The following FSTL3 variants were observed in gnomAD, a reference collection of about 807,000 sequenced individuals.
The protein encoded by FSTL3 is follistatin-related protein 3.
In FSTL3, 21 loss-of-function variants were observed where a neutral mutation model predicts 28.1. The ratio of observed to expected loss-of-function variants is 0.75; its 90% CI spans 0.53 to 1.08. The LOEUF is 1.08. Among genes scored for constraint, FSTL3 ranks in the 50% least tolerant of loss-of-function variants. FSTL3 has a pLI of 0.00. For missense variants in FSTL3, 400 were observed against 380.9 expected, an observed-to-expected ratio of 1.05 and a Z score of -0.42; for synonymous variants, 199 against 164.2, an observed-to-expected ratio of 1.21 and a Z score of -1.62.
chr19:678,066 A>T, intron 2 of FSTL3, 89 bp downstream of exon 2: 1 of 1,277,312 alleles, frequency 7.8e-7, no homozygotes, highest in South Asian at 1.3e-5. Flanking sequence ...ACGTCCAGGG[A>T]CTGAGCCCGT....
rs1459520844 is a variant in FSTL3, at chr19:678,709, C to G, written c.289+732C>G. On this transcript the variant is annotated intron_variant, in intron 2 of 4. Coordinates refer to ENST00000166139, the MANE Select transcript of FSTL3 (RefSeq NM_005860.3). The stretch of plus-strand genomic sequence containing the variant: ...TGTTTTTGGTAGAGACAGGGTTTCA[C>G]CACATTGGCCAGGCTGGTCTCAAAC... Among the ~76,000 whole-genome samples, 4 of 152,074 alleles carry G rather than the reference C, an allele frequency of 2.6e-5. No individual in the cohort carries two copies. In the East Asian group the frequency reaches 7.7e-4, roughly 29 times the overall value.
chr19:680,617 C>G (rs1236900330), intron 3 of FSTL3, 128 bp downstream of exon 3: 1 of 406,572 alleles, frequency 2.5e-6, no homozygotes, highest in East Asian at 6.0e-5. Context: ...CTGAGCGTGA[C>G]GTATCGGGGC....
At chr19:680,804 T>G in intron 3 of FSTL3, 1 of 276,052 alleles carries the variant, frequency 3.6e-6, no homozygotes, top group Non-Finnish European at 6.8e-6. Flanking sequence ...TCCGAGGGAG[T>G]ATCACGGGGT....
chr19:680,001 A>AC lies in FSTL3; in HGVS notation c.290-264dup, dbSNP rs1555683187. 2.6e-3 allele frequency: 396 copies of AC among 152,694 alleles called. 8 individuals are homozygous for AC. Among genetic ancestry groups the AC allele is most frequent in the African/African-American group, 8.0e-3 (209 of 26,066 alleles). The allele number at this position is 152,694 out of a possible 1,614,324, so 9.5% of individuals were successfully genotyped here. A position where few individuals can be genotyped will look rare whatever the true frequency, so the allele number is the denominator to read the frequency against. On this transcript the variant is annotated intron_variant, in intron 2 of 4. Transcript: ENST00000166139. ...CGCTGGACCCCGATTCCGGGCAGAG[A>AC]CCCCCCCCCGCCCCGGCCCGCGCGC...
At position 682,850 on chromosome 19, in the gene FSTL3, G is replaced by T. The variant is rs2031369926; in HGVS notation, c.*1142G>T. 1 of 232,924 alleles carries T rather than the reference G, an allele frequency of 4.3e-6. No homozygotes were observed. Among genetic ancestry groups the T allele is most frequent in the East Asian group, 6.0e-5 (1 of 16,544 alleles). The allele number at this position is 232,924 out of a possible 1,614,324, so 14.4% of individuals were successfully genotyped here. On this transcript the variant is annotated 3_prime_UTR_variant, in exon 5 of 5. Transcript: ENST00000166139. ...ACCCACTGGCCCCGAGGGGGGTGTA[G>T]ACGCCAAGACTCACGCATGTGTGAC... is the stretch of plus-strand genomic sequence containing the variant.
At position 678,128 on chromosome 19, in the gene FSTL3, G is replaced by C. The variant is rs115777799; in HGVS notation, c.289+151G>C. ...GGGATCCCAGCCTCAGAGAGGGACT[G>C]GGGGGACTTCCCGGTTCCCAGGCTC... On this transcript the variant is annotated intron_variant, in intron 2 of 4. Transcript: ENST00000166139. 157 of 703,370 alleles carry C rather than the reference G, an allele frequency of 2.2e-4. 1 individual carries two copies. The African/African-American group carries it at 2.7e-3, about 12-fold the overall frequency. 43.6% of individuals were successfully genotyped at this position (703,370 alleles called of 1,614,324 possible). A position where few individuals can be genotyped will look rare whatever the true frequency, so the allele number is the denominator to read the frequency against.
Position 676,532 on chromosome 19 carries a change from TGGGGCGGCCAGA to T in FSTL3, c.103+14_103+25del. 1.6e-6 allele frequency: 1 copy of T among 641,620 alleles called. No homozygotes were observed. The highest frequency in any genetic ancestry group is 2.0e-6 in the Non-Finnish European group (1 of 509,180). The allele number at this position is 641,620 out of a possible 1,614,324, so 39.7% of individuals were successfully genotyped here. A position where few individuals can be genotyped will look rare whatever the true frequency, so the allele number is the denominator to read the frequency against. On this transcript the variant is annotated splice_region_variant and intron_variant, in intron 1 of 4. Transcript: ENST00000166139. ...CTCGGGGAACCCCGCGCCCGGTGAG[TGGGGCGGCCAGA>T]GGGGCGGGCGGGGCGGGCCACCCAC...
At chr19:681,097 G>C (rs1414460640) in intron 3 of FSTL3, among the ~76,000 whole-genome samples, 2 of 151,048 alleles carry the variant, frequency 1.3e-5, no homozygotes, top group African/African-American at 4.9e-5. Flanking sequence ...GGTAGCATAA[G>C]GGGCAGGAGC....
At chr19:681,239 C>A (rs546362697) in intron 3 of FSTL3, 94 bp from the exon 4 acceptor site, 3 of 870,096 alleles carry the variant, frequency 3.4e-6, no homozygotes, top group Non-Finnish European at 5.2e-6. Context: ...AGGGTTTTCG[C>A]ATCTTGGGGG....
chr19:680,602 C>CCAGGGGCG (rs2031310355), intron 3 of FSTL3, 113 bp downstream of exon 3: 2 of 495,982 alleles, frequency 4.0e-6, no homozygotes, highest in African/African-American at 4.3e-5. Flanking sequence ...CGGGACCACC[C>CCAGGGGCG]GGACCTGAGC....
At position 676,522 on chromosome 19, in the gene FSTL3, G is replaced by C; in HGVS notation, c.99G>C (p.Ala33=). 2 of 1,041,964 alleles carry C rather than the reference G, an allele frequency of 1.9e-6. No individual in the cohort carries two copies. Among genetic ancestry groups the C allele is most frequent in the Non-Finnish European group, 2.4e-6 (2 of 838,706 alleles). 64.5% of individuals were successfully genotyped at this position (1,041,964 alleles called of 1,614,324 possible). The change falls in exon 1 of 5, where the codon GCG becomes GCC. Residue 33 remains alanine (A), a synonymous_variant. Coordinates refer to ENST00000166139, the MANE Select transcript of FSTL3 (RefSeq NM_005860.3). ...FVSSMGSGNP[A]PGGVCWLQQG... ...GCTCCATGGGCTCGGGGAACCCCGC[G>C]CCCGGTGAGTGGGGCGGCCAGAGGG...
chr19:678,127 T>TG (rs2031250321), intron 2 of FSTL3, 150 bp downstream of exon 2: 4 of 703,930 alleles, frequency 5.7e-6, no homozygotes, highest in South Asian at 1.9e-5. Flanking sequence ...AGAGAGGGAC[T>TG]GGGGGGACTT....
rs2031329631 is a variant in FSTL3 at position 681,360 on chromosome 19, G to T, written c.533G>T (p.Arg178Leu). Residue 178 changes from arginine to leucine, a missense_variant, in exon 4 of 5, where the codon CGG becomes CTG. Transcript: ENST00000166139. The part of the protein sequence containing the change: ...RKSCEHVVCP[R>L]PQSCVVDQTG... ...TCCTGTGAGCACGTGGTGTGCCCGC[G>T]GCCACAGTCGTGCGTCGTGGACCAG... 2 of 1,582,646 alleles carry T rather than the reference G, an allele frequency of 1.3e-6. No homozygotes were observed. The highest frequency in any genetic ancestry group is 1.7e-6 in the Non-Finnish European group (2 of 1,171,696).
At chr19:678,603 G>A (rs949679261) in intron 2 of FSTL3, among the ~76,000 whole-genome samples, 4 of 141,250 alleles carry the variant, frequency 2.8e-5, no homozygotes, top group African/African-American at 5.2e-5. Flanking sequence ...TTCGGCCTCC[G>A]AGGTTCAGGT....
At chr19:681,167 T>C (rs2031324207) in intron 3 of FSTL3, among the ~76,000 whole-genome samples, 166 bp from the exon 4 acceptor site, 2 of 25,326 alleles carry the variant, frequency 7.9e-5, no homozygotes, top group Admixed American at 5.9e-4. Context: ...GGGTGGAGCC[T>C]GAGGGGTGGA....
chr19:679,360 T>C (rs912713364), intron 2 of FSTL3, among the ~76,000 whole-genome samples: 2 of 151,838 alleles, frequency 1.3e-5, no homozygotes, highest in African/African-American at 4.8e-5. Flanking sequence ...CCCTAAGGAG[T>C]GCCGCACTGC....
intron 1 of FSTL3, among the ~76,000 whole-genome samples, chr19:677,494 G>A (rs1022084794): frequency 1.3e-5 from 2 of 151,338 alleles, no homozygotes; most frequent in Non-Finnish European, 3.0e-5. Flanking sequence ...GAGGGGTTGG[G>A]CAGGGTGCCA....
chr19:682,889 G>C lies in FSTL3; in HGVS notation c.*1181G>C, dbSNP rs746041465. 4.3e-6 allele frequency: 1 copy of C among 232,596 alleles called. No homozygotes were observed. Among genetic ancestry groups the C allele is most frequent in the Non-Finnish European group, 8.5e-6 (1 of 117,734 alleles). The allele number at this position is 232,596 out of a possible 1,614,324, so 14.4% of individuals were successfully genotyped here. A position where few individuals can be genotyped will look rare whatever the true frequency, so the allele number is the denominator to read the frequency against. ...CGCATGTGTGACATCCGGAGTCCTGGAGCCGGGTGTCCCAGTGGCACCACT... is the reference window on the plus strand; with the variant it reads ...CGCATGTGTGACATCCGGAGTCCTGCAGCCGGGTGTCCCAGTGGCACCACT... On this transcript the variant is annotated 3_prime_UTR_variant, in exon 5 of 5. Coordinates refer to ENST00000166139, the MANE Select transcript of FSTL3 (RefSeq NM_005860.3).
At chr19:681,225 C>T in intron 3 of FSTL3, 108 bp from the exon 4 acceptor site, 1 of 739,082 alleles carries the variant, frequency 1.4e-6, no homozygotes, top group Non-Finnish European at 2.2e-6. Flanking sequence ...GTGTCTCCTA[C>T]CAGAGGGTTT....
Sources: allele counts gnomAD v4.1 joint callset (sites outside exome capture counted in the v4.1 genomes callset), GRCh38; gene constraint gnomAD v4.1.1; transcripts MANE v1.5; gene names NCBI Gene and HGNC (gene_info 2026-07-23, HGNC 2026-07-21).